The following COL19A1 variants were observed in gnomAD, a reference collection of about 807,000 sequenced individuals.
COL19A1 encodes collagen alpha-1(XIX) chain.
A neutral mutation model predicts 190.2 loss-of-function variants in COL19A1; 159 were observed. The ratio of observed to expected loss-of-function variants is 0.84; its 90% CI spans 0.73 to 0.95. COL19A1 has a LOEUF of 0.95. COL19A1 is among the 40% of genes least tolerant of loss of function. COL19A1 has a pLI of 0.00. For synonymous variants in COL19A1, 509 were observed against 458.9 expected (o/e 1.11, Z -1.39); for missense variants, 1,418 against 1,431.9 (o/e 0.99, Z 0.16).
chr6:70,103,659 C>T (rs1242432406), intron 16 of COL19A1, among the ~76,000 whole-genome samples: 1 of 152,176 alleles, frequency 6.6e-6, no homozygotes, highest in Non-Finnish European at 1.5e-5. Flanking sequence ...CCTATATATG[C>T]TTCTCTCTAT....
At chr6:69,959,967 A>T (rs1396290769) in intron 9 of COL19A1, 29 bp from the exon 10 acceptor site, 9 of 1,605,668 alleles carry the variant, frequency 5.6e-6, no homozygotes, top group Non-Finnish European at 7.7e-6. Context: ...TTTATGGATC[A>T]TAAACATTAT....
intron 12 of COL19A1, 43 bp downstream of exon 12, chr6:70,023,723 C>T (rs1354361861): frequency 3.9e-6 from 6 of 1,548,346 alleles, no homozygotes; most frequent in African/African-American, 1.4e-5. Context: ...TACATTTTAC[C>T]ACTAAGATAT....
chr6:70,050,889 C>T (rs1780166202), intron 14 of COL19A1, among the ~76,000 whole-genome samples: 1 of 152,082 alleles, frequency 6.6e-6, no homozygotes, highest in African/African-American at 2.4e-5. Flanking sequence ...CTTTATATAG[C>T]TTAATCCATT....
At chr6:70,105,580 T>C (rs1372290208) in intron 16 of COL19A1, among the ~76,000 whole-genome samples, 2 of 152,220 alleles carry the variant, frequency 1.3e-5, no homozygotes, top group Non-Finnish European at 2.9e-5. Flanking sequence ...ATTGTGGACA[T>C]TTTTAGATCA....
Position 70,149,183 on chromosome 6 carries a change from T to C in COL19A1, c.1894-521T>C, listed in dbSNP as rs550284451. Reference sequence around the variant, plus strand: ...CATGGTTACCTAAGAGCGGTACAACTACCATCGTTAAGTTCCCTGATAATC... The same window carrying C: ...CATGGTTACCTAAGAGCGGTACAACCACCATCGTTAAGTTCCCTGATAATC... On this transcript the variant is annotated intron_variant, in intron 27 of 50. Transcript: ENST00000620364. 2.8e-4 allele frequency among the ~76,000 whole-genome samples: 43 copies of C among 152,244 alleles called. No individual in the cohort carries two copies. The Middle Eastern group carries it at 0.014, about 48-fold the overall frequency.
chr6:70,168,111 A>G (rs1765274837), intron 38 of COL19A1, 36 bp downstream of exon 38: 2 of 1,595,768 alleles, frequency 1.3e-6, no homozygotes, highest in African/African-American at 2.7e-5. Flanking sequence ...ATCCAGTTAT[A>G]GACTGCTGTA....
chr6:70,109,969 C>T (rs1784193107), intron 16 of COL19A1, among the ~76,000 whole-genome samples: 1 of 152,190 alleles, frequency 6.6e-6, no homozygotes, highest in South Asian at 2.1e-4. Context: ...CACTTGTGCC[C>T]CCTTATCCAT....
In COL19A1 at chr6:70,019,130, A is replaced by G. The variant is rs530850777; in HGVS notation, c.1027-4497A>G. 4.7e-4 allele frequency among the ~76,000 whole-genome samples: 72 copies of G among 152,302 alleles called. 1 individual carries two copies. The South Asian group carries it at 0.015, about 31-fold the overall frequency. ...ATTGAACCAGTTTACAAAAGTCCCTATGCAGTCAAAGTAATTGAGGAAATA... is the reference window on the plus strand; with the variant it reads ...ATTGAACCAGTTTACAAAAGTCCCTGTGCAGTCAAAGTAATTGAGGAAATA... On this transcript the variant is annotated intron_variant, in intron 11 of 50. Transcript: ENST00000620364.
At chr6:69,994,290 C>T (rs1012243529) in intron 11 of COL19A1, among the ~76,000 whole-genome samples, 4 of 152,042 alleles carry the variant, frequency 2.6e-5, no homozygotes, top group African/African-American at 9.7e-5. Context: ...ATCTTGTTCA[C>T]TCTAATTGAG....
intron 19 of COL19A1, among the ~76,000 whole-genome samples, chr6:70,138,651 T>C (rs1478928685): frequency 6.6e-6 from 1 of 152,106 alleles, no homozygotes; most frequent in Non-Finnish European, 1.5e-5. Flanking sequence ...AAGTATTCAG[T>C]GTTACAAAGC....
chr6:69,937,273 C>T (rs1189370130), intron 8 of COL19A1, among the ~76,000 whole-genome samples: 2 of 152,122 alleles, frequency 1.3e-5, no homozygotes, highest in East Asian at 1.9e-4. Context: ...CAAAAACATA[C>T]ACAAAAATAC....
chr6:69,874,674 C>A (rs1231875389), intron 1 of COL19A1, among the ~76,000 whole-genome samples: 1 of 151,944 alleles, frequency 6.6e-6, no homozygotes, highest in Non-Finnish European at 1.5e-5. Context: ...TGGTGTGAAC[C>A]CAGGAGGCGG....
chr6:70,022,196 A>G (rs1199304844), intron 11 of COL19A1, among the ~76,000 whole-genome samples: 1 of 152,226 alleles, frequency 6.6e-6, no homozygotes, highest in Non-Finnish European at 1.5e-5. Flanking sequence ...GAAAATATAA[A>G]GAAGAGAATA....
At chr6:70,039,448 A>G (rs1779523104) in intron 14 of COL19A1, among the ~76,000 whole-genome samples, 1 of 152,198 alleles carries the variant, frequency 6.6e-6, no homozygotes, top group African/African-American at 2.4e-5. Context: ...GGATAGATGA[A>G]CGTCCATCTC....
chr6:70,147,468 C>A (rs1468136925), intron 27 of COL19A1, among the ~76,000 whole-genome samples: 1 of 151,914 alleles, frequency 6.6e-6, no homozygotes, highest in Non-Finnish European at 1.5e-5. Flanking sequence ...AGTAAATGTA[C>A]AATTTTTATT....
intron 9 of COL19A1, among the ~76,000 whole-genome samples, chr6:69,949,505 G>A (rs1340675824): frequency 6.6e-6 from 1 of 151,724 alleles, no homozygotes; most frequent in Non-Finnish European, 1.5e-5. Flanking sequence ...TCTAACAGTA[G>A]GTTAATAAAT....
At chr6:69,933,553 G>A (rs1355399855) in intron 7 of COL19A1, among the ~76,000 whole-genome samples, 1 of 152,034 alleles carries the variant, frequency 6.6e-6, no homozygotes, top group African/African-American at 2.4e-5. Flanking sequence ...CCTGTTGGAA[G>A]TGAAATATAA....
intron 11 of COL19A1, among the ~76,000 whole-genome samples, chr6:69,974,806 C>CTTTTTT (rs35518948): frequency 3.8e-4 from 35 of 93,048 alleles, no homozygotes; most frequent in East Asian, 6.2e-4. Flanking sequence ...AGACAGCTTC[C>CTTTTTT]TTTTTTTTTT....
intron 14 of COL19A1, among the ~76,000 whole-genome samples, chr6:70,051,144 C>T (rs1780178530): frequency 6.6e-6 from 1 of 152,088 alleles, no homozygotes; most frequent in Non-Finnish European, 1.5e-5. Flanking sequence ...TAATATCTAT[C>T]TCCTTAATAA....
Sources: gnomAD v4.1 joint callset for allele counts (sites outside exome capture counted in the v4.1 genomes callset) on GRCh38, gnomAD v4.1.1 for gene constraint, MANE v1.5 for transcripts, NCBI Gene and HGNC (gene_info 2026-07-23, HGNC 2026-07-21) for gene names.